The following ERICH2 variants were observed in gnomAD, a reference collection of about 807,000 sequenced individuals.
ERICH2 encodes glutamate rich 2.
A neutral mutation model predicts 17.4 loss-of-function variants in ERICH2; 17 were observed. The observed-to-expected ratio is 0.98, with a 90% CI of 0.67 to 1.47. The LOEUF (loss-of-function observed/expected upper bound fraction) is 1.47, where lower values mean the gene tolerates loss of function less well. Ranked by LOEUF, ERICH2 falls within the 40% of genes most tolerant of loss-of-function variation. ERICH2 has a pLI of 0.00. For missense variants in ERICH2, 186 were observed against 183.2 expected, an observed-to-expected ratio of 1.01 and a Z score of -0.09; for synonymous variants, 51 against 61.1, an observed-to-expected ratio of 0.83 and a Z score of 0.77.
chr2:170,793,127 T>C (rs542502151), intron 3 of ERICH2, among the ~76,000 whole-genome samples: 1 of 152,354 alleles, frequency 6.6e-6, no homozygotes, highest in East Asian at 1.9e-4. Flanking sequence ...TAATGTAAAC[T>C]AGCATCGGCT....
chr2:170,789,767 C>G (rs1377302189), intron 2 of ERICH2, among the ~76,000 whole-genome samples: 1 of 151,960 alleles, frequency 6.6e-6, no homozygotes, highest in Non-Finnish European at 1.5e-5. Flanking sequence ...TTTTCTGAGG[C>G]TAGTATTAAT....
At chr2:170,776,297 A>T in the ERICH2 span, among the ~76,000 whole-genome samples, 1 of 152,220 alleles carries the variant, frequency 6.6e-6, no homozygotes, top group African/African-American at 2.4e-5. Context: ...ATAATACTTT[A>T]TTAAAAATAC....
intron 2 of ERICH2, among the ~76,000 whole-genome samples, chr2:170,788,985 A>G (rs1451785427): frequency 6.7e-6 from 1 of 149,760 alleles, no homozygotes; most frequent in Non-Finnish European, 1.5e-5. Context: ...TTTTTGAGAC[A>G]GAGTATTGCT....
chr2:170,781,816 CTATTT>C (rs1559251046), upstream of ERICH2, among the ~76,000 whole-genome samples: 1 of 99,738 alleles, frequency 1.0e-5, no homozygotes, highest in Non-Finnish European at 2.6e-5. Context: ...ATGAAAAAGG[CTATTT>C]TATATTATGT....
chr2:170,789,467 T>A (rs1199684695), intron 2 of ERICH2, among the ~76,000 whole-genome samples: 8 of 152,198 alleles, frequency 5.3e-5, no homozygotes, highest in African/African-American at 1.9e-4. Context: ...TTAAAATGGC[T>A]TTTGTAGCTT....
Position 170,783,809 on chromosome 2 carries a change from A to G in ERICH2, c.-30A>G, listed in dbSNP as rs1460356566. Reference sequence around the variant, plus strand: ...TTGAGTCAGTCTACAGGCTAGGTGCACACTGGACAGTCAGGGTGGTTGTGA... The same window carrying G: ...TTGAGTCAGTCTACAGGCTAGGTGCGCACTGGACAGTCAGGGTGGTTGTGA... On this transcript the variant is annotated 5_prime_UTR_variant, in exon 1 of 5. Coordinates refer to ENST00000409885, the Ensembl canonical transcript of ERICH2. 4 of 1,550,394 alleles carry G rather than the reference A, an allele frequency of 2.6e-6. No individual in the cohort carries two copies. In the Admixed American group the frequency reaches 7.8e-5, roughly 30 times the overall value.
chr2:170,774,796 C>T, the ERICH2 span, among the ~76,000 whole-genome samples: 1,124 of 151,336 alleles, frequency 7.4e-3, 15 homozygotes, highest in African/African-American at 0.026. Flanking sequence ...AGGATGGTCT[C>T]GATCTCCTGA....
chr2:170,783,937 A>G, intron 1 of ERICH2: 1 of 1,548,872 alleles, frequency 6.5e-7, no homozygotes, highest in South Asian at 1.2e-5. Context: ...TCAGGGTAGC[A>G]TTTTGGGTTT....
chr2:170,798,296 C>G (rs1431944129), intron 4 of ERICH2, among the ~76,000 whole-genome samples, 184 bp downstream of exon 9: 1 of 152,178 alleles, frequency 6.6e-6, no homozygotes, highest in Non-Finnish European at 1.5e-5. Flanking sequence ...ACCCCCTTCT[C>G]TCTGTGGGAT....
intron 2 of ERICH2, among the ~76,000 whole-genome samples, chr2:170,786,145 A>G (rs773696515): frequency 7.2e-5 from 11 of 152,016 alleles, no homozygotes; most frequent in Non-Finnish European, 1.3e-4. Flanking sequence ...GTAGATCCCA[A>G]TTTCTACCTG....
intron 3 of ERICH2, among the ~76,000 whole-genome samples, chr2:170,796,643 C>G (rs953067797): frequency 2.6e-5 from 4 of 151,850 alleles, no homozygotes; most frequent in Admixed American, 2.6e-4. Context: ...CAGCAGGTTG[C>G]GAAGGCTGGT....
At chr2:170,794,887 A>G (rs897858995) in intron 3 of ERICH2, among the ~76,000 whole-genome samples, 1 of 152,194 alleles carries the variant, frequency 6.6e-6, no homozygotes, top group Non-Finnish European at 1.5e-5. Context: ...AACACTTCCT[A>G]TCTTGTATCT....
Position 170,793,323 on chromosome 2 carries a change from A to G in ERICH2, c.274+403A>G, listed in dbSNP as rs565297192. On this transcript the variant is annotated intron_variant, in intron 3 of 4. Coordinates refer to ENST00000409885, the Ensembl canonical transcript of ERICH2. ...CACTGTTCCAGGCACTGGAAATACA[A>G]TAGTCAGTCAGACAGATGACAATCC... 1.4e-3 allele frequency among the ~76,000 whole-genome samples: 212 copies of G among 151,854 alleles called. 1 individual carries two copies. Among genetic ancestry groups the G allele is most frequent in the African/African-American group, 4.3e-3 (175 of 41,084 alleles).
chr2:170,795,000 G>C (rs1437895660), intron 3 of ERICH2, among the ~76,000 whole-genome samples: 1 of 151,944 alleles, frequency 6.6e-6, no homozygotes, highest in Admixed American at 6.6e-5. Context: ...AATTTTTTTT[G>C]AGACAGGGTC....
chr2:170,771,131 C>T, the ERICH2 span: 1 of 154,644 alleles, frequency 6.5e-6, no homozygotes, highest in South Asian at 2.0e-4. The surrounding 1 kb of genome is among the most constrained non-coding windows in gnomAD (Gnocchi z 4.8). Flanking sequence ...AGCAGCTAGC[C>T]GGGCTGGCTC....
chr2:170,774,352 T>C, the ERICH2 span, among the ~76,000 whole-genome samples: 1 of 152,282 alleles, frequency 6.6e-6, no homozygotes, highest in African/African-American at 2.4e-5. Flanking sequence ...GTTTCAACAG[T>C]GTCCTTCCTA....
chr2:170,780,048 G>C (rs868178884), upstream of ERICH2, among the ~76,000 whole-genome samples: 4 of 152,082 alleles, frequency 2.6e-5, no homozygotes, highest in Admixed American at 1.3e-4. Context: ...TAAAACTTAG[G>C]TTATCTGCCC....
At chr2:170,784,542 C>T (rs1701105379) in intron 1 of ERICH2, 104 bp from the exon 7 acceptor site, 1 of 552,678 alleles carries the variant, frequency 1.8e-6, no homozygotes, top group African/African-American at 1.9e-5. Context: ...AATTATGTTA[C>T]TTTTATTAAT....
At chr2:170,787,637 C>A (rs1218164743) in intron 2 of ERICH2, among the ~76,000 whole-genome samples, 1 of 152,238 alleles carries the variant, frequency 6.6e-6, no homozygotes, top group African/African-American at 2.4e-5. Flanking sequence ...CTCAAAGAAA[C>A]ACCTCTGCAG....
Sources: allele counts gnomAD v4.1 joint callset (sites outside exome capture counted in the v4.1 genomes callset), GRCh38; gene constraint gnomAD v4.1.1; non-coding constraint Gnocchi (gnomAD v3.1); transcripts MANE v1.5; gene names NCBI Gene and HGNC (gene_info 2026-07-23, HGNC 2026-07-21).